MAP4K4: variants seen among roughly 807,000 people sequenced by gnomAD.
The protein encoded by MAP4K4 is mitogen-activated protein kinase kinase kinase kinase 4.
In MAP4K4, 38 loss-of-function variants were observed where a neutral mutation model predicts 189.6. The ratio of observed to expected loss-of-function variants is 0.20; its 90% CI spans 0.15 to 0.26. MAP4K4 has a LOEUF of 0.26. Ranked by LOEUF, MAP4K4 falls within the 10% of genes least tolerant of loss-of-function variation. MAP4K4 has a pLI of 1.00. For synonymous variants in MAP4K4, 610 were observed against 624.3 expected, an observed-to-expected ratio of 0.98 and a Z score of 0.34; for missense variants, 1,054 against 1,726.9, an observed-to-expected ratio of 0.61 and a Z score of 6.91.
At chr2:101,717,287 G>A (rs2149387248) in intron 2 of MAP4K4, among the ~76,000 whole-genome samples, 1 of 152,292 alleles carries the variant, frequency 6.6e-6, no homozygotes, top group East Asian at 1.9e-4. Flanking sequence ...TTGTTTAGGA[G>A]AGCAAACGAA....
At chr2:101,887,604 A>G (rs1456393596) in intron 30 of MAP4K4, among the ~76,000 whole-genome samples, 174 bp from the exon 31 acceptor site, 4 of 152,226 alleles carry the variant, frequency 2.6e-5, no homozygotes, top group Admixed American at 1.3e-4. Flanking sequence ...ATTACTGGGA[A>G]AAAGCAGAGT....
exon 12 of MAP4K4, chr2:101,844,199 A>C (rs1475790732): frequency 1.2e-6 from 2 of 1,609,062 alleles, no homozygotes; most frequent in South Asian, 2.2e-5. Context: ...CGGAGACAAC[A>C]GTTACTACAG....
At position 101,875,881 on chromosome 2, in the gene MAP4K4, A is replaced by G. The variant is rs1042011868; in HGVS notation, c.3242-1122A>G. ...GCTTTTGGAACAATTTCTACATGGA[A>G]TGTGTAGTTTTTGAAGATAGTCATG... On this transcript the variant is annotated intron_variant, in intron 26 of 32. Coordinates refer to ENST00000324219, the Ensembl canonical transcript of MAP4K4. Among the ~76,000 whole-genome samples the G allele has an allele frequency of 2.7e-4, 41 of 152,334 alleles. 1 individual carries two copies. Among genetic ancestry groups the G allele is most frequent in the African/African-American group, 9.9e-4 (41 of 41,588 alleles).
chr2:101,861,772 C>T (rs937150462), intron 16 of MAP4K4: 4 of 152,156 alleles, frequency 2.6e-5, no homozygotes, highest in Non-Finnish European at 4.4e-5. Context: ...TTGCTGAAAA[C>T]TACTGACTTT....
At chr2:101,770,497 G>GA (rs1285986569) in intron 2 of MAP4K4, among the ~76,000 whole-genome samples, 3 of 151,932 alleles carry the variant, frequency 2.0e-5, no homozygotes. Context: ...GGCTGGTCTT[G>GA]AACTCCTGAC....
intron 2 of MAP4K4, among the ~76,000 whole-genome samples, chr2:101,741,111 T>G (rs1404320356): frequency 6.6e-6 from 1 of 152,070 alleles, no homozygotes; most frequent in South Asian, 2.1e-4. Flanking sequence ...TTATAAACTT[T>G]GAAATTTTGA....
chr2:101,815,647 T>C (rs1402693136), intron 3 of MAP4K4, among the ~76,000 whole-genome samples: 1 of 152,232 alleles, frequency 6.6e-6, no homozygotes, highest in Non-Finnish European at 1.5e-5. Context: ...TATAACATAC[T>C]TGACCTTTGT....
At chr2:101,825,247 C>A in intron 4 of MAP4K4, 72 bp from the exon 5 acceptor site, 1 of 812,260 alleles carries the variant, frequency 1.2e-6, no homozygotes, top group Non-Finnish European at 2.0e-6. Flanking sequence ...AAAGAGAGGG[C>A]ATGGCGGTTA....
At chr2:101,707,407 C>T (rs1363631421) in intron 2 of MAP4K4, among the ~76,000 whole-genome samples, 1 of 151,912 alleles carries the variant, frequency 6.6e-6, no homozygotes, top group African/African-American at 2.4e-5. Flanking sequence ...TGGGGTTTGA[C>T]TATGTTGGCC....
At chr2:101,891,318 A>G in exon 33 of MAP4K4, 1 of 1,407,048 alleles carries the variant, frequency 7.1e-7, no homozygotes, top group Non-Finnish European at 1.0e-6. Flanking sequence ...AATTCCTTGT[A>G]ACTGGAGCTC....
intron 3 of MAP4K4, among the ~76,000 whole-genome samples, chr2:101,819,531 TAAAATC>T (rs1476327169): frequency 1.3e-5 from 2 of 152,248 alleles, no homozygotes; most frequent in Non-Finnish European, 2.9e-5. Context: ...TTTAAAATCA[TAAAATC>T]AAGAGAGGAA....
chr2:101,871,401 TA>T, intron 23 of MAP4K4, 92 bp from the exon 24 acceptor site: 1 of 992,812 alleles, frequency 1.0e-6, no homozygotes, highest in Non-Finnish European at 1.4e-6. Context: ...GCAGAGTTTA[TA>T]AGTCACACAG....
At chr2:101,727,041 A>C (rs955958566) in intron 2 of MAP4K4, among the ~76,000 whole-genome samples, 3 of 152,116 alleles carry the variant, frequency 2.0e-5, no homozygotes, top group Middle Eastern at 6.3e-3. Context: ...ATGATAACCT[A>C]TTAGTCCATG....
At chr2:101,780,620 A>T (rs1290370537) in intron 2 of MAP4K4, among the ~76,000 whole-genome samples, 3 of 152,228 alleles carry the variant, frequency 2.0e-5, no homozygotes, top group Admixed American at 2.0e-4. Flanking sequence ...TTCCAGTGCT[A>T]CATCTGCCCT....
At chr2:101,878,443 A>T (rs1251508142) in intron 27 of MAP4K4, among the ~76,000 whole-genome samples, 1 of 152,200 alleles carries the variant, frequency 6.6e-6, no homozygotes, top group Non-Finnish European at 1.5e-5. Flanking sequence ...CAAAACACGT[A>T]GTCTGCTTTC....
intron 12 of MAP4K4, among the ~76,000 whole-genome samples, chr2:101,851,724 C>CTTTTTTTT (rs36217584): frequency 2.9e-4 from 20 of 67,910 alleles, no homozygotes; most frequent in South Asian, 5.7e-4. Flanking sequence ...TAACTGTCCT[C>CTTTTTTTT]TTTTTTTTTT....
At chr2:101,777,683 A>G (rs561256989) in intron 2 of MAP4K4, among the ~76,000 whole-genome samples, 1 of 152,230 alleles carries the variant, frequency 6.6e-6, no homozygotes, top group South Asian at 2.1e-4. Context: ...TCTTTTAACT[A>G]TGAGAACGTA....
At chr2:101,771,195 T>C (rs931346813) in intron 2 of MAP4K4, among the ~76,000 whole-genome samples, 7 of 152,176 alleles carry the variant, frequency 4.6e-5, no homozygotes, top group African/African-American at 1.7e-4. Context: ...GGAGGGGAGC[T>C]ATTTATAAAA....
At chr2:101,831,550 TG>T (rs1196653553) in intron 6 of MAP4K4, among the ~76,000 whole-genome samples, 170 bp from the exon 7 acceptor site, 1 of 151,986 alleles carries the variant, frequency 6.6e-6, no homozygotes, top group Non-Finnish European at 1.5e-5. Context: ...GGCTTTACTG[TG>T]GAGGGGCACT....
Sources: allele counts gnomAD v4.1 joint callset (sites outside exome capture counted in the v4.1 genomes callset), GRCh38; gene constraint gnomAD v4.1.1; transcripts MANE v1.5; gene names NCBI Gene and HGNC (gene_info 2026-07-23, HGNC 2026-07-21).